The following SLC24A2 variants were observed in gnomAD, a reference collection of about 807,000 sequenced individuals.
SLC24A2 encodes the protein solute carrier family 24 member 2.
In SLC24A2, 36 loss-of-function variants were observed where a neutral mutation model predicts 62.0. The ratio of observed to expected loss-of-function variants is 0.58; its 90% CI spans 0.44 to 0.77. SLC24A2 has a LOEUF of 0.77. SLC24A2 is among the 30% of genes least tolerant of loss of function. The pLI, the probability that SLC24A2 is intolerant of heterozygous loss-of-function variation, is 0.00. For synonymous variants in SLC24A2, 358 were observed against 294.0 expected, an observed-to-expected ratio of 1.22 and a Z score of -2.23; for missense variants, 846 against 817.9, an observed-to-expected ratio of 1.03 and a Z score of -0.42.
chr9:19,708,445 C>A (rs1487789581), intron 2 of SLC24A2, among the ~76,000 whole-genome samples: 2 of 152,134 alleles, frequency 1.3e-5, no homozygotes, highest in Admixed American at 6.5e-5. Flanking sequence ...CCTGCATCAC[C>A]AAGTCAACCC....
chr9:19,714,178 C>A (rs554847174), intron 2 of SLC24A2, among the ~76,000 whole-genome samples: 1 of 152,312 alleles, frequency 6.6e-6, no homozygotes, highest in Non-Finnish European at 1.5e-5. Flanking sequence ...AATAGAAAAT[C>A]TGGAACTCTG....
the SLC24A2 span, among the ~76,000 whole-genome samples, chr9:20,064,426 A>G: frequency 2.6e-5 from 4 of 152,164 alleles, no homozygotes; most frequent in Non-Finnish European, 5.9e-5. Flanking sequence ...ATCTTTATAA[A>G]TTTACTTAAA....
At chr9:20,085,275 A>C in the SLC24A2 span, among the ~76,000 whole-genome samples, 1 of 152,216 alleles carries the variant, frequency 6.6e-6, no homozygotes, top group South Asian at 2.1e-4. Context: ...CTGGGATTAC[A>C]GGCATGAGCC....
At chr9:19,954,431 G>A in the SLC24A2 span, among the ~76,000 whole-genome samples, 1 of 152,070 alleles carries the variant, frequency 6.6e-6, no homozygotes, top group African/African-American at 2.4e-5. Context: ...GAGACTGAAA[G>A]GGAATGGTAC....
At chr9:20,296,351 G>C in the SLC24A2 span, among the ~76,000 whole-genome samples, 1 of 152,232 alleles carries the variant, frequency 6.6e-6, no homozygotes, top group African/African-American at 2.4e-5. Context: ...GCTATGCTAT[G>C]AGTTTTATCT....
the SLC24A2 span, among the ~76,000 whole-genome samples, chr9:20,264,559 C>A: frequency 1.8e-4 from 28 of 152,308 alleles, 1 homozygote; most frequent in East Asian, 4.6e-3. Context: ...GCATTCAATT[C>A]TGTGTCCATC....
chr9:19,719,567 G>T (rs1415929462), intron 2 of SLC24A2, among the ~76,000 whole-genome samples: 2 of 152,178 alleles, frequency 1.3e-5, no homozygotes, highest in Non-Finnish European at 2.9e-5. Flanking sequence ...CGATAGAGGA[G>T]AAAGGGCCCA....
At chr9:19,831,554 T>C in the SLC24A2 span, among the ~76,000 whole-genome samples, 1 of 152,234 alleles carries the variant, frequency 6.6e-6, no homozygotes, top group Admixed American at 6.5e-5. Flanking sequence ...TTCAAACAAC[T>C]GTAGTGCTAC....
the SLC24A2 span, among the ~76,000 whole-genome samples, chr9:19,948,702 G>A: frequency 6.6e-6 from 1 of 151,464 alleles, no homozygotes; most frequent in South Asian, 2.1e-4. Context: ...AAAATTAGCC[G>A]GGCGCAGTGG....
intron 2 of SLC24A2, among the ~76,000 whole-genome samples, chr9:19,758,960 G>C (rs1487165963): frequency 6.6e-6 from 1 of 152,138 alleles, no homozygotes; most frequent in East Asian, 1.9e-4. Context: ...TTCTGGGATA[G>C]ACTGCAAAAA....
chr9:19,932,028 G>A, the SLC24A2 span, among the ~76,000 whole-genome samples: 1 of 151,910 alleles, frequency 6.6e-6, no homozygotes, highest in Non-Finnish European at 1.5e-5. Flanking sequence ...CAGCCATCAT[G>A]GTCAACAGCT....
the SLC24A2 span, among the ~76,000 whole-genome samples, chr9:20,168,731 T>C: frequency 7.2e-5 from 11 of 152,124 alleles, no homozygotes; most frequent in African/African-American, 1.9e-4. Flanking sequence ...TGTAGAGGAA[T>C]TGAAGCCCTC....
the SLC24A2 span, among the ~76,000 whole-genome samples, chr9:19,976,352 T>C: frequency 1.3e-5 from 2 of 152,352 alleles, no homozygotes; most frequent in Non-Finnish European, 2.9e-5. Context: ...GGGGCAGACA[T>C]GCCCCTTGCT....
intron 2 of SLC24A2, among the ~76,000 whole-genome samples, chr9:19,709,512 C>G (rs559307934): frequency 6.6e-6 from 1 of 151,916 alleles, no homozygotes; most frequent in Admixed American, 6.6e-5. Flanking sequence ...ACCCAAATGT[C>G]CAACAACGAT....
chr9:19,810,159 G>T, the SLC24A2 span, among the ~76,000 whole-genome samples: 4 of 152,116 alleles, frequency 2.6e-5, no homozygotes, highest in African/African-American at 7.2e-5. Flanking sequence ...GGGGAGAGGT[G>T]GTTCCAGGGA....
intron 2 of SLC24A2, among the ~76,000 whole-genome samples, chr9:19,663,584 G>A (rs1357898410): frequency 3.9e-5 from 6 of 152,124 alleles, no homozygotes; most frequent in African/African-American, 7.2e-5. Flanking sequence ...CTGGGTCCAC[G>A]TCCTGCAGGG....
the SLC24A2 span, among the ~76,000 whole-genome samples, chr9:20,014,906 C>T: frequency 5.3e-5 from 8 of 151,946 alleles, no homozygotes; most frequent in East Asian, 3.9e-4. Flanking sequence ...AGAAATGATA[C>T]GTAAGTATGG....
In SLC24A2 at chr9:19,525,547, G is replaced by C. The variant is rs180883096; in HGVS notation, c.1569+2502C>G. Among the ~76,000 whole-genome samples the C allele has an allele frequency of 3.8e-3, 582 of 151,578 alleles. 3 individuals are homozygous for C. The highest frequency in any genetic ancestry group is 0.017 in the Middle Eastern group (5 of 294). On this transcript the variant is annotated intron_variant, in intron 9 of 10. Transcript: ENST00000341998. ...ACCTCCCGAGTAGCTGGGACTACAG[G>C]CGTGTGCTACCATGGCCAGCTAATT...
chr9:19,943,173 C>T, the SLC24A2 span, among the ~76,000 whole-genome samples: 1 of 152,116 alleles, frequency 6.6e-6, no homozygotes, highest in Non-Finnish European at 1.5e-5. Context: ...ATGTGCTACT[C>T]AGAGAATAAT....
Sources: gnomAD v4.1 joint callset for allele counts (sites outside exome capture counted in the v4.1 genomes callset) on GRCh38, gnomAD v4.1.1 for gene constraint, MANE v1.5 for transcripts, NCBI Gene and HGNC (gene_info 2026-07-23, HGNC 2026-07-21) for gene names.